The following WDR64 variants were observed in gnomAD, a reference collection of about 807,000 sequenced individuals.
WDR64 encodes WD repeat-containing protein 64.
Under a neutral mutation model 139.3 loss-of-function variants are expected in WDR64, and 112 were observed. The ratio of observed to expected loss-of-function variants is 0.80; its 90% CI spans 0.69 to 0.94. WDR64 has a LOEUF of 0.94. Among genes scored for constraint, WDR64 ranks in the 40% least tolerant of loss-of-function variants. The pLI is 0.00. For missense variants in WDR64, 1,206 were observed against 1,293.1 expected (o/e 0.93, Z 1.03); for synonymous variants, 444 against 437.7 (o/e 1.01, Z -0.18).
intron 23 of WDR64, among the ~76,000 whole-genome samples, chr1:241,786,079 T>C (rs538746124): frequency 3.3e-4 from 50 of 152,336 alleles, no homozygotes; most frequent in African/African-American, 1.2e-3. Flanking sequence ...CTGGTCTATT[T>C]CTCTTTGGTA....
At chr1:241,702,793 C>G (rs1207540366) in intron 8 of WDR64, among the ~76,000 whole-genome samples, 1 of 152,152 alleles carries the variant, frequency 6.6e-6, no homozygotes, top group African/African-American at 2.4e-5. Flanking sequence ...TTTCACTGGT[C>G]ATGAATAGAG....
intron 10 of WDR64, among the ~76,000 whole-genome samples, chr1:241,728,693 C>T (rs191013967): frequency 6.7e-4 from 102 of 152,222 alleles, no homozygotes; most frequent in African/African-American, 2.1e-3. Flanking sequence ...GAAGAACTGA[C>T]GAATGTTGAA....
intron 8 of WDR64, among the ~76,000 whole-genome samples, chr1:241,707,849 C>G (rs967822244): frequency 5.9e-5 from 9 of 152,230 alleles, no homozygotes; most frequent in African/African-American, 2.2e-4. Context: ...AGTGGAGACA[C>G]TGTAGCTCAG....
intron 25 of WDR64, 65 bp from the exon 26 acceptor site, chr1:241,795,142 C>T: frequency 7.0e-7 from 1 of 1,437,108 alleles, no homozygotes; most frequent in African/African-American, 1.4e-5. Context: ...AGGATTTGAA[C>T]CCAGGTATTT....
chr1:241,677,714 A>T (rs1343160933), intron 4 of WDR64, among the ~76,000 whole-genome samples: 1 of 152,230 alleles, frequency 6.6e-6, no homozygotes, highest in Non-Finnish European at 1.5e-5. Context: ...CCCACTGGGT[A>T]AAATGTTCTT....
chr1:241,750,743 G>A (rs1000378682), intron 14 of WDR64, among the ~76,000 whole-genome samples: 3 of 152,170 alleles, frequency 2.0e-5, no homozygotes, highest in African/African-American at 7.2e-5. Flanking sequence ...TCTGCATTTA[G>A]AACCTGCAGA....
intron 15 of WDR64, 96 bp from the exon 16 acceptor site, chr1:241,766,121 GT>G: frequency 3.4e-6 from 4 of 1,184,356 alleles, no homozygotes; most frequent in Non-Finnish European, 4.6e-6. Flanking sequence ...AAGGCATTTT[GT>G]TTTAAGTTGA....
At chr1:241,686,235 A>G (rs965581180) in intron 7 of WDR64, among the ~76,000 whole-genome samples, 5 of 152,200 alleles carry the variant, frequency 3.3e-5, no homozygotes, top group African/African-American at 1.2e-4. Flanking sequence ...TAAATTCTGG[A>G]GCTATCATAC....
intron 8 of WDR64, among the ~76,000 whole-genome samples, chr1:241,702,288 G>C (rs1667746498): frequency 6.6e-6 from 1 of 150,448 alleles, no homozygotes; most frequent in Non-Finnish European, 1.5e-5. Context: ...GACAGAACTG[G>C]TTTCTGTCCT....
intron 14 of WDR64, 134 bp downstream of exon 14, chr1:241,749,856 G>A (rs1013055695): frequency 9.9e-7 from 1 of 1,011,742 alleles, no homozygotes; most frequent in East Asian, 2.5e-5. Flanking sequence ...CAGCCTTCCC[G>A]TGATGCTCCT....
intron 3 of WDR64, among the ~76,000 whole-genome samples, chr1:241,674,304 G>A (rs1666377192): frequency 1.5e-5 from 2 of 132,590 alleles, no homozygotes; most frequent in Non-Finnish European, 3.1e-5. Context: ...TGTCACCCAG[G>A]CTGGAGTGCA....
chr1:241,801,373 G>C lies in WDR64; in HGVS notation c.*158G>C. On this transcript the variant is annotated 3_prime_UTR_variant, in exon 28 of 28. Transcript: ENST00000437684. Reference sequence around the variant, plus strand: ...TGGGAAAGATTGCTTAGGGAGTTCTGGTGACCTTAACTCTGAATACCAAGC... The same window carrying C: ...TGGGAAAGATTGCTTAGGGAGTTCTCGTGACCTTAACTCTGAATACCAAGC... 1.6e-6 allele frequency: 1 copy of C among 613,130 alleles called. No homozygotes were observed. 38.0% of individuals were successfully genotyped at this position (613,130 alleles called of 1,614,324 possible).
chr1:241,683,638 T>C lies in WDR64; in HGVS notation c.776T>C (p.Ile259Thr). The C allele has an allele frequency of 6.4e-7, 1 of 1,551,570 alleles. No individual in the cohort carries two copies. The highest frequency in any genetic ancestry group is 8.7e-7 in the Non-Finnish European group (1 of 1,146,940). The change falls in exon 7 of 28, where the codon ATA (isoleucine) becomes ACA (threonine). Residue 259 changes from isoleucine to threonine, a missense_variant. Transcript: ENST00000437684. ...ACAGTCAACAGTGATGACTTTGGAA[T>C]AAAGCAGGCAAAATCCAAAAGAAAA... ...RFTVNSDDFGIKQAKSKRKLQ... is the reference protein window; with the variant it reads ...RFTVNSDDFGTKQAKSKRKLQ...
intron 9 of WDR64, among the ~76,000 whole-genome samples, chr1:241,721,315 C>A (rs1239715121): frequency 6.6e-6 from 1 of 151,940 alleles, no homozygotes; most frequent in African/African-American, 2.4e-5. Flanking sequence ...AAAATAGTTT[C>A]TTCTAATTCT....
At chr1:241,746,627 CA>C (rs1411885684) in intron 13 of WDR64, among the ~76,000 whole-genome samples, 1 of 151,538 alleles carries the variant, frequency 6.6e-6, no homozygotes, top group Non-Finnish European at 1.5e-5. Flanking sequence ...TAGAACAATA[CA>C]GTGGAATACT....
chr1:241,687,406 T>C, intron 7 of WDR64, 55 bp from the exon 8 acceptor site: 12 of 1,596,094 alleles, frequency 7.5e-6, no homozygotes, highest in Non-Finnish European at 9.4e-6. Context: ...AATAGAAACA[T>C]ATTATACGTT....
At chr1:241,761,788 T>C (rs1044646049) in intron 15 of WDR64, among the ~76,000 whole-genome samples, 1 of 152,206 alleles carries the variant, frequency 6.6e-6, no homozygotes, top group African/African-American at 2.4e-5. Flanking sequence ...GCAGATTCCA[T>C]CTCAAGAAAC....
intron 19 of WDR64, among the ~76,000 whole-genome samples, chr1:241,771,907 C>A (rs1352816593): frequency 7.1e-6 from 1 of 141,460 alleles, no homozygotes; most frequent in Non-Finnish European, 1.5e-5. Context: ...CATACATACA[C>A]ACATATACAT....
intron 5 of WDR64, 130 bp downstream of exon 5, chr1:241,678,346 A>G: frequency 2.6e-6 from 1 of 392,058 alleles, no homozygotes; most frequent in Non-Finnish European, 4.5e-6. Flanking sequence ...TTATAAATTT[A>G]TGTTTACTGA....
Sources: allele counts gnomAD v4.1 joint callset (sites outside exome capture counted in the v4.1 genomes callset), GRCh38; gene constraint gnomAD v4.1.1; transcripts MANE v1.5; gene names NCBI Gene and HGNC (gene_info 2026-07-23, HGNC 2026-07-21).